The following NFIA variants were observed in gnomAD, a reference collection of about 807,000 sequenced individuals.
The protein encoded by NFIA is nuclear factor I A, also known as nuclear factor 1 A-type.
NFIA carries 8 observed loss-of-function variants against 62.8 expected under a neutral mutation model. The observed-to-expected ratio is 0.13, with a 90% CI of 0.07 to 0.23. NFIA has a LOEUF of 0.23. Ranked by LOEUF, NFIA falls within the 10% of genes least tolerant of loss-of-function variation. The probability of loss-of-function intolerance (pLI) is 1.00; values close to 1 mark genes in which losing one functional copy is unlikely to be tolerated. For missense variants in NFIA, 410 were observed against 642.1 expected (o/e 0.64, Z 3.91); for synonymous variants, 235 against 238.1 (o/e 0.99, Z 0.12).
rs972634127 is a variant in NFIA at position 61,462,005 on chromosome 1, T to G, written c.*6685T>G. 3 of 151,222 alleles carry G rather than the reference T, an allele frequency of 2.0e-5. No homozygotes were observed. The highest frequency in any genetic ancestry group is 7.3e-5 in the African/African-American group (3 of 41,160). The allele number at this position is 151,222 out of a possible 1,614,324, so 9.4% of individuals were successfully genotyped here. On this transcript the variant is annotated 3_prime_UTR_variant, in exon 11 of 11. Transcript: ENST00000403491. ...AAATTTTTATTTTTTGATAATAGTCTGTAAGTTAGCCTTTTTGGGTTTTTT... is the reference window on the plus strand; with the variant it reads ...AAATTTTTATTTTTTGATAATAGTCGGTAAGTTAGCCTTTTTGGGTTTTTT...
At chr1:61,332,649 A>G in intron 4 of NFIA, 63 bp downstream of exon 4, 1 of 1,433,976 alleles carries the variant, frequency 7.0e-7, no homozygotes, top group East Asian at 2.3e-5. Flanking sequence ...CTTTCTGCCT[A>G]GGACTCCTAG....
intron 10 of NFIA, among the ~76,000 whole-genome samples, chr1:61,447,745 A>G (rs1667875832): frequency 6.6e-6 from 1 of 152,214 alleles, no homozygotes. Flanking sequence ...TTTCATAAAA[A>G]GATTTACAAA....
At chr1:61,120,589 C>G (rs1009129717) in intron 2 of NFIA, among the ~76,000 whole-genome samples, 1 of 152,028 alleles carries the variant, frequency 6.6e-6, no homozygotes, top group Non-Finnish European at 1.5e-5. Context: ...GTAAGTGAAG[C>G]CTTTGGGGAA....
intron 6 of NFIA, among the ~76,000 whole-genome samples, chr1:61,370,312 C>T (rs781014110): frequency 5.3e-5 from 8 of 152,166 alleles, no homozygotes; most frequent in South Asian, 2.1e-4. Flanking sequence ...TGGAAGATTA[C>T]GAGAAATGCT....
intron 10 of NFIA, among the ~76,000 whole-genome samples, chr1:61,430,431 T>C (rs1205490034): frequency 6.6e-6 from 1 of 152,228 alleles, no homozygotes; most frequent in Non-Finnish European, 1.5e-5. Context: ...CCAGAGTGTT[T>C]CTGTGCATAC....
intron 6 of NFIA, among the ~76,000 whole-genome samples, chr1:61,381,705 G>T (rs929181425): frequency 3.9e-5 from 6 of 152,154 alleles, no homozygotes; most frequent in Non-Finnish European, 8.8e-5. Context: ...TGCACAAGTA[G>T]TTTAAATATC....
At chr1:61,086,962 A>G (rs1471511397) in intron 1 of NFIA, among the ~76,000 whole-genome samples, 3 of 152,120 alleles carry the variant, frequency 2.0e-5, no homozygotes, top group Non-Finnish European at 2.9e-5. Flanking sequence ...AAGGTAATCT[A>G]TGTTTTGGAG....
intron 2 of NFIA, among the ~76,000 whole-genome samples, chr1:61,183,512 G>C (rs2100564004): frequency 6.6e-6 from 1 of 152,324 alleles, no homozygotes; most frequent in Admixed American, 6.5e-5. Flanking sequence ...AAAAGGGTGG[G>C]AACACCCCAG....
At chr1:61,359,879 C>G (rs1445039303) in intron 6 of NFIA, among the ~76,000 whole-genome samples, 4 of 152,200 alleles carry the variant, frequency 2.6e-5, no homozygotes, top group African/African-American at 4.8e-5. Context: ...GATTCACCCA[C>G]CTCGGCCTCC....
At chr1:61,210,445 C>T (rs1653179441) in intron 2 of NFIA, among the ~76,000 whole-genome samples, 1 of 152,158 alleles carries the variant, frequency 6.6e-6, no homozygotes, top group Non-Finnish European at 1.5e-5. Flanking sequence ...ATTATTATCA[C>T]ATATGGAGAA....
intron 2 of NFIA, among the ~76,000 whole-genome samples, chr1:61,126,462 A>ACACACACACACACACTCACACACACACT (rs35045816): frequency 6.9e-6 from 1 of 145,820 alleles, no homozygotes; most frequent in Non-Finnish European, 1.5e-5. Flanking sequence ...ACACACACAC[A>ACACACACACACACACTCACACACACACT]CACACACACA....
At chr1:61,440,298 A>C (rs761193259) in intron 10 of NFIA, among the ~76,000 whole-genome samples, 1 of 152,214 alleles carries the variant, frequency 6.6e-6, no homozygotes, top group Non-Finnish European at 1.5e-5. Flanking sequence ...TCCCACTATC[A>C]TTACTAAATT....
intron 2 of NFIA, among the ~76,000 whole-genome samples, chr1:61,090,027 A>G (rs1395402426): frequency 6.6e-6 from 1 of 152,132 alleles, no homozygotes; most frequent in Non-Finnish European, 1.5e-5. Flanking sequence ...AATTATAAGA[A>G]TTGCCTTTTG....
chr1:61,358,379 C>CTTTTTTTTTTTTTTTTTTTTTTTTTTT (rs34853369), intron 5 of NFIA, among the ~76,000 whole-genome samples: 2 of 52,616 alleles, frequency 3.8e-5, no homozygotes, highest in African/African-American at 8.5e-5. Flanking sequence ...TTCTTTCTTT[C>CTTTTTTTTTTTTTTTTTTTTTTTTTTT]TTTTTTTTTT....
chr1:61,422,301 A>C (rs1430832661), intron 9 of NFIA, among the ~76,000 whole-genome samples: 1 of 152,164 alleles, frequency 6.6e-6, no homozygotes, highest in Non-Finnish European at 1.5e-5. Flanking sequence ...TGGCATGAAT[A>C]TTTTAATATC....
intron 3 of NFIA, among the ~76,000 whole-genome samples, chr1:61,286,917 A>G (rs1264841651): frequency 6.6e-6 from 1 of 152,226 alleles, no homozygotes; most frequent in Admixed American, 6.5e-5. Flanking sequence ...AGGGAACATT[A>G]AATATAACAG....
chr1:61,239,970 ATGCATTCC>A (rs1289548323), intron 2 of NFIA, among the ~76,000 whole-genome samples: 1 of 152,112 alleles, frequency 6.6e-6, no homozygotes, highest in African/African-American at 2.4e-5. Context: ...CAATTTATCA[ATGCATTCC>A]AAACTATTCT....
At chr1:61,276,420 T>A (rs1162374298) in intron 2 of NFIA, among the ~76,000 whole-genome samples, 1 of 152,202 alleles carries the variant, frequency 6.6e-6, no homozygotes, top group African/African-American at 2.4e-5. Context: ...TGACCTTACA[T>A]TAAACTTGCA....
intron 6 of NFIA, among the ~76,000 whole-genome samples, chr1:61,381,915 T>A (rs556237197): frequency 6.6e-6 from 1 of 152,352 alleles, no homozygotes; most frequent in South Asian, 2.1e-4. Context: ...TGGAAAGATC[T>A]ATACCTATAA....
Sources: gnomAD v4.1 joint callset for allele counts (sites outside exome capture counted in the v4.1 genomes callset) on GRCh38, gnomAD v4.1.1 for gene constraint, MANE v1.5 for transcripts, NCBI Gene and HGNC (gene_info 2026-07-23, HGNC 2026-07-21) for gene names.